The following PCSK5 variants were observed in gnomAD, a reference collection of about 807,000 sequenced individuals.
PCSK5 encodes the protein proprotein convertase subtilisin/kexin type 5, also known as prohormone convertase 5.
A neutral mutation model predicts 233.2 loss-of-function variants in PCSK5; 129 were observed. The observed-to-expected ratio is 0.55, with a 90% confidence interval of 0.48 to 0.64. The LOEUF is 0.64. Ranked by LOEUF, PCSK5 falls within the 30% of genes least tolerant of loss-of-function variation. The pLI is 0.00. For synonymous variants in PCSK5, 825 were observed against 879.2 expected, an observed-to-expected ratio of 0.94 and a Z score of 1.09; for missense variants, 2,076 against 2,430.1, an observed-to-expected ratio of 0.85 and a Z score of 3.06.
intron 1 of PCSK5, 22 bp downstream of exon 1, chr9:75,891,395 C>T (rs1373911287): frequency 1.3e-6 from 2 of 1,532,998 alleles, no homozygotes; most frequent in African/African-American, 2.9e-5. Context: ...CAGGCTAGCC[C>T]AGCCCTCGGC....
At chr9:76,063,381 G>A (rs1483308010) in intron 5 of PCSK5, among the ~76,000 whole-genome samples, 1 of 109,594 alleles carries the variant, frequency 9.1e-6, no homozygotes, top group African/African-American at 3.8e-5. Context: ...TCACAGAGGG[G>A]GATTTGGCAG....
At chr9:76,169,663 A>G in intron 12 of PCSK5, 41 bp from the exon 13 acceptor site, 1 of 1,604,032 alleles carries the variant, frequency 6.2e-7, no homozygotes, top group Non-Finnish European at 8.5e-7. Flanking sequence ...CCCTCATTGG[A>G]TTTGAAATAT....
At chr9:76,341,115 C>T (rs796573783) in intron 35 of PCSK5, among the ~76,000 whole-genome samples, 8 of 151,568 alleles carry the variant, frequency 5.3e-5, no homozygotes, top group African/African-American at 1.9e-4. Flanking sequence ...ATCCCAGCTA[C>T]TCAGGAGGCT....
At chr9:75,892,145 C>T (rs376976607) in intron 1 of PCSK5, among the ~76,000 whole-genome samples, 17 of 152,084 alleles carry the variant, frequency 1.1e-4, no homozygotes, top group African/African-American at 4.1e-4. Context: ...GAGGTTGCGC[C>T]GTGGGGCGAG....
chr9:76,174,030 A>C (rs2131193631), intron 13 of PCSK5, among the ~76,000 whole-genome samples: 1 of 152,274 alleles, frequency 6.6e-6, no homozygotes, highest in South Asian at 2.1e-4. Context: ...AATGATGGAA[A>C]TGCTGTCCAG....
chr9:76,083,652 T>C (rs140687081), intron 7 of PCSK5, among the ~76,000 whole-genome samples: 11 of 152,338 alleles, frequency 7.2e-5, no homozygotes, highest in African/African-American at 2.6e-4. Context: ...CTGACCACTA[T>C]TTTCCCTTCC....
intron 37 of PCSK5, among the ~76,000 whole-genome samples, chr9:76,355,074 T>A (rs969321962): frequency 1.3e-5 from 2 of 152,166 alleles, no homozygotes; most frequent in Non-Finnish European, 2.9e-5. Context: ...CCTTTACCAA[T>A]TTCCAGTCCC....
intron 6 of PCSK5, 75 bp downstream of exon 6, chr9:76,068,118 T>C (rs1195798336): frequency 1.9e-6 from 2 of 1,031,974 alleles, no homozygotes; most frequent in Non-Finnish European, 1.5e-6. Flanking sequence ...CAGAATCCTT[T>C]TTAAATGGAG....
intron 2 of PCSK5, among the ~76,000 whole-genome samples, chr9:75,965,453 C>A (rs1825541627): frequency 6.6e-6 from 1 of 152,174 alleles, no homozygotes; most frequent in African/African-American, 2.4e-5. Context: ...AGGGGAGCCA[C>A]TGATGGAAAT....
rs765206149 is a variant in PCSK5 at position 76,159,219 on chromosome 9, C to T, written c.1619+48C>T. 23 of 1,538,134 alleles carry T rather than the reference C, an allele frequency of 1.5e-5. No homozygotes were observed. In the South Asian group the frequency reaches 1.5e-4, roughly 10 times the overall value. On this transcript the variant is annotated intron_variant, in intron 12 of 37. Transcript: ENST00000674117. Reference sequence around the variant, plus strand: ...CCAGTGTAGTAGTCACAGCGACACTCGGCTATTCCTTAGGTAGAAGGGAAC... The same window carrying T: ...CCAGTGTAGTAGTCACAGCGACACTTGGCTATTCCTTAGGTAGAAGGGAAC...
chr9:76,204,151 C>G (rs988135922), intron 20 of PCSK5, among the ~76,000 whole-genome samples: 1 of 152,300 alleles, frequency 6.6e-6, no homozygotes, highest in Non-Finnish European at 1.5e-5. Flanking sequence ...CATCACCCAG[C>G]TAGTTAATTT....
At chr9:76,031,062 G>A (rs1213831789) in intron 5 of PCSK5, among the ~76,000 whole-genome samples, 2 of 152,122 alleles carry the variant, frequency 1.3e-5, no homozygotes, top group Non-Finnish European at 2.9e-5. Flanking sequence ...AGTGCCGAGG[G>A]TATAGATTTA....
At chr9:75,975,295 A>G (rs1174188423) in intron 2 of PCSK5, among the ~76,000 whole-genome samples, 3 of 152,004 alleles carry the variant, frequency 2.0e-5, no homozygotes, top group African/African-American at 7.3e-5. Flanking sequence ...AGTATGTGCA[A>G]TGGAGCTGAA....
At chr9:76,335,265 A>T (rs1344454587) in intron 34 of PCSK5, among the ~76,000 whole-genome samples, 2 of 152,198 alleles carry the variant, frequency 1.3e-5, no homozygotes, top group South Asian at 4.1e-4. Flanking sequence ...CCATGGAATT[A>T]AGAAGACAAT....
At chr9:76,141,602 C>T (rs1041527983) in intron 10 of PCSK5, among the ~76,000 whole-genome samples, 16 of 152,144 alleles carry the variant, frequency 1.1e-4, no homozygotes, top group African/African-American at 3.6e-4. Context: ...GTCACCCTAA[C>T]GAGTTATTCT....
At chr9:76,084,465 C>T (rs760059052) in intron 7 of PCSK5, among the ~76,000 whole-genome samples, 10 of 152,268 alleles carry the variant, frequency 6.6e-5, no homozygotes, top group Middle Eastern at 6.8e-3. Context: ...TATTTTAAAT[C>T]CCTCTGTTAG....
chr9:76,358,369 CAG>C lies in PCSK5; in HGVS notation c.5255-141_5255-140del, dbSNP rs148609896. On this transcript the variant is annotated intron_variant, in intron 37 of 37. Transcript: ENST00000674117. ...AAAAAATTAAAATTAAAATTAAAAACAGAGGAAAATCAGAGACAGTGATTCTA... is the reference window on the plus strand; with the variant it reads ...AAAAAATTAAAATTAAAATTAAAAACAGGAAAATCAGAGACAGTGATTCTA... 0.014 allele frequency: 9,465 copies of C among 653,192 alleles called. 631 individuals are homozygous for C. The African/African-American group carries it at 0.15, about 10-fold the overall frequency. 40.5% of individuals were successfully genotyped at this position (653,192 alleles called of 1,614,324 possible). A position where few individuals can be genotyped will look rare whatever the true frequency, so the allele number is the denominator to read the frequency against.
chr9:75,942,631 C>G (rs1824364234), intron 2 of PCSK5, among the ~76,000 whole-genome samples: 1 of 152,132 alleles, frequency 6.6e-6, no homozygotes, highest in Admixed American at 6.5e-5. Context: ...TTCTCTTCTG[C>G]TTTATCCGGT....
intron 37 of PCSK5, among the ~76,000 whole-genome samples, 168 bp from the exon 38 acceptor site, chr9:76,358,345 A>AAAAATT (rs1830354602): frequency 2.6e-5 from 4 of 151,886 alleles, no homozygotes; most frequent in East Asian, 1.9e-4. Flanking sequence ...GTCTCTACAA[A>AAAAATT]AAAATTAAAA....
Sources: gnomAD v4.1 joint callset for allele counts (sites outside exome capture counted in the v4.1 genomes callset) on GRCh38, gnomAD v4.1.1 for gene constraint, MANE v1.5 for transcripts, NCBI Gene and HGNC (gene_info 2026-07-23, HGNC 2026-07-21) for gene names.